Variants in MRPS5 observed in about 807,000 individuals in gnomAD.
MRPS5 encodes small ribosomal subunit protein uS5m.
Under a neutral mutation model 51.9 loss-of-function variants are expected in MRPS5, and 27 were observed. The observed-to-expected ratio is 0.52, with a 90% CI of 0.38 to 0.72. The LOEUF (loss-of-function observed/expected upper bound fraction) is 0.72, where lower values mean the gene tolerates loss of function less well. Ranked by LOEUF, MRPS5 falls within the 30% of genes least tolerant of loss-of-function variation. MRPS5 has a pLI of 0.00. For synonymous variants in MRPS5, 196 were observed against 193.2 expected, an observed-to-expected ratio of 1.01 and a Z score of -0.12; for missense variants, 570 against 545.7, an observed-to-expected ratio of 1.04 and a Z score of -0.44.
Position 95,100,473 on chromosome 2 carries a change from C to A in MRPS5, c.931+1G>T. The A allele has an allele frequency of 1.3e-6, 2 of 1,594,524 alleles. No individual in the cohort carries two copies. Among genetic ancestry groups the A allele is most frequent in the Non-Finnish European group, 8.6e-7 (1 of 1,162,636 alleles). ...ACAAATGGTAAGAGTTTTAAAGTTACCTTTGGGTTGTTTCTTCATCTTGAT... is the reference window on the plus strand; with the variant it reads ...ACAAATGGTAAGAGTTTTAAAGTTAACTTTGGGTTGTTTCTTCATCTTGAT... On this transcript the variant is annotated splice_donor_variant, in intron 10 of 11. Coordinates refer to ENST00000272418, the MANE Select transcript of MRPS5 (RefSeq NM_031902.5). LOFTEE classifies it high-confidence loss of function.
Position 95,095,863 on chromosome 2 carries a change from C to A in MRPS5, c.931+4611G>T, listed in dbSNP as rs531396427. Among the ~76,000 whole-genome samples, 6 of 152,024 alleles carry A rather than the reference C, an allele frequency of 3.9e-5. 1 individual carries two copies. The highest frequency in any genetic ancestry group is 7.4e-5 in the Non-Finnish European group (5 of 67,952). ...CAAGAAATAACTAAGATCAGAGCAG[C>A]ACTGAAGGAAACAGACACACAAAAA... On this transcript the variant is annotated intron_variant, in intron 10 of 11. Coordinates refer to ENST00000272418, the MANE Select transcript of MRPS5 (RefSeq NM_031902.5).
chr2:95,108,453 T>C (rs1676016816), intron 4 of MRPS5, 45 bp from the exon 5 acceptor site: 1 of 1,491,508 alleles, frequency 6.7e-7, no homozygotes, highest in Non-Finnish European at 9.2e-7. Context: ...AAAGTACTCA[T>C]TTTTCAAGTG....
intron 1 of MRPS5, among the ~76,000 whole-genome samples, chr2:95,119,611 C>T (rs576712506): frequency 7.3e-6 from 1 of 136,640 alleles, no homozygotes; most frequent in African/African-American, 2.8e-5. Context: ...GACCCTGTCT[C>T]GAAAAAAAAA....
intron 10 of MRPS5, among the ~76,000 whole-genome samples, chr2:95,094,538 A>T (rs1031680966): frequency 1.3e-5 from 2 of 152,242 alleles, no homozygotes; most frequent in Non-Finnish European, 2.9e-5. Context: ...CGGATCTCTC[A>T]GCAGAAATTC....
rs1468043427 is a variant in MRPS5, at chr2:95,087,121, C to G, written c.*236G>C. 9 of 430,932 alleles carry G rather than the reference C, an allele frequency of 2.1e-5. No homozygotes were observed. The highest frequency in any genetic ancestry group is 2.0e-5 in the Non-Finnish European group (5 of 245,482). 26.7% of individuals were successfully genotyped at this position (430,932 alleles called of 1,614,324 possible). A position where few individuals can be genotyped will look rare whatever the true frequency, so the allele number is the denominator to read the frequency against. ...CTCCCTAATTCATTTACTTTTGTTA[C>G]TTTGGATGAATATTTAAAGTAGTCT... On this transcript the variant is annotated 3_prime_UTR_variant, in exon 12 of 12. Transcript: ENST00000272418.
chr2:95,109,606 G>A (rs1676055727), intron 4 of MRPS5, among the ~76,000 whole-genome samples: 1 of 152,174 alleles, frequency 6.6e-6, no homozygotes, highest in African/African-American at 2.4e-5. Flanking sequence ...CCCTTTGCAG[G>A]GAATATTCGC....
intron 10 of MRPS5, among the ~76,000 whole-genome samples, chr2:95,094,697 A>G (rs1381666090): frequency 6.6e-6 from 1 of 152,204 alleles, no homozygotes; most frequent in Non-Finnish European, 1.5e-5. Context: ...TTCTGTCACT[A>G]CCAGGCCTGC....
At chr2:95,093,691 A>C (rs1675535492) in intron 10 of MRPS5, 3 of 152,244 alleles carry the variant, frequency 2.0e-5, no homozygotes, top group Non-Finnish European at 4.4e-5. Flanking sequence ...CATCAACATC[A>C]ACAAAATGGA....
At chr2:95,104,476 A>G (rs1466942143) in intron 7 of MRPS5, 164 bp downstream of exon 7, 4 of 704,670 alleles carry the variant, frequency 5.7e-6, no homozygotes, top group Non-Finnish European at 7.8e-6. Flanking sequence ...TCTCTAAGGG[A>G]AGTCATGGAC....
In MRPS5 at chr2:95,095,172, C is replaced by T. The variant is rs532026319; in HGVS notation, c.932-4650G>A. ...GGTAAAGGCATCAATTCAACAAGAGCTAATTATCCTAAATATATATGCATC... is the reference window on the plus strand; with the variant it reads ...GGTAAAGGCATCAATTCAACAAGAGTTAATTATCCTAAATATATATGCATC... On this transcript the variant is annotated intron_variant, in intron 10 of 11. Coordinates refer to ENST00000272418, the MANE Select transcript of MRPS5 (RefSeq NM_031902.5). 7.2e-5 allele frequency among the ~76,000 whole-genome samples: 11 copies of T among 152,252 alleles called. No homozygotes were observed. In the South Asian group the frequency reaches 8.3e-4, roughly 11 times the overall value.
Position 95,108,165 on chromosome 2 carries a change from A to C in MRPS5, c.637+10T>G. On this transcript the variant is annotated intron_variant, in intron 5 of 11. Transcript: ENST00000272418. ...TGTCACAAAGGCAAACAAAACCAGG[A>C]GTTTGCTACCTCCACAGGGACCAGG... 6.2e-7 allele frequency: 1 copy of C among 1,610,826 alleles called. No homozygotes were observed. The highest frequency in any genetic ancestry group is 8.5e-7 in the Non-Finnish European group (1 of 1,176,982).
At chr2:95,100,626 A>C in intron 9 of MRPS5, 90 bp from the exon 10 acceptor site, 1 of 1,029,388 alleles carries the variant, frequency 9.7e-7, no homozygotes, top group Non-Finnish European at 1.5e-6. Context: ...TACTAGCCTC[A>C]ACAGCCAGCA....
intron 4 of MRPS5, among the ~76,000 whole-genome samples, chr2:95,109,464 AAATTGTACTGGAACAT>A (rs1676051152): frequency 1.3e-5 from 2 of 152,374 alleles, no homozygotes; most frequent in Middle Eastern, 3.4e-3. Flanking sequence ...TTTGTAAATG[AAATTGTACTGGAACAT>A]AACGATGCCT....
rs1466818531 is a variant in MRPS5 at position 95,118,000 on chromosome 2, T to C, written c.59-55A>G. 4.5e-6 allele frequency: 6 copies of C among 1,338,454 alleles called. No individual in the cohort carries two copies. The African/African-American group carries it at 7.4e-5, about 16-fold the overall frequency. The allele number at this position is 1,338,454 out of a possible 1,614,324, so 82.9% of individuals were successfully genotyped here. On this transcript the variant is annotated intron_variant, in intron 1 of 11. Coordinates refer to ENST00000272418, the MANE Select transcript of MRPS5 (RefSeq NM_031902.5). ...TACATTTCTACATTAAAGGAACATT[T>C]TAAACAGTAACACCCACAAAATATA...
chr2:95,106,364 G>GCC, intron 6 of MRPS5, 59 bp downstream of exon 6: 1 of 741,216 alleles, frequency 1.3e-6, no homozygotes. Flanking sequence ...CCCTGTCCCT[G>GCC]CCCCACCCAC....
chr2:95,114,026 A>C (rs1454193248), intron 3 of MRPS5, among the ~76,000 whole-genome samples: 2 of 142,286 alleles, frequency 1.4e-5, no homozygotes, highest in Admixed American at 7.3e-5. Flanking sequence ...AGGCTGAGGC[A>C]GGAGAATCGC....
At position 95,086,281 on chromosome 2, in the gene MRPS5, T is replaced by C. The variant is rs1675285185; in HGVS notation, c.*1076A>G. On this transcript the variant is annotated 3_prime_UTR_variant, in exon 12 of 12. Coordinates refer to ENST00000272418, the MANE Select transcript of MRPS5 (RefSeq NM_031902.5). ...CTTCAGTGAGCAATTATAAACACTC[T>C]TGAAGCCATTTAAAGAAAAAAAAAG... Among the ~76,000 whole-genome samples, 1 of 151,990 alleles carries C rather than the reference T, an allele frequency of 6.6e-6. No homozygotes were observed. The highest frequency in any genetic ancestry group is 1.5e-5 in the Non-Finnish European group (1 of 68,014).
intron 10 of MRPS5, among the ~76,000 whole-genome samples, chr2:95,099,608 T>C (rs1045681526): frequency 3.9e-5 from 6 of 152,220 alleles, no homozygotes; most frequent in Admixed American, 3.9e-4. Context: ...GGCTGCTGTA[T>C]GGGACAGCAC....
At chr2:95,102,860 C>T (rs886306893) in intron 7 of MRPS5, among the ~76,000 whole-genome samples, 6 of 152,170 alleles carry the variant, frequency 3.9e-5, no homozygotes, top group African/African-American at 1.4e-4. Context: ...TATCTGCTGC[C>T]ACTGTATTTT....
Sources: allele counts gnomAD v4.1 joint callset (sites outside exome capture counted in the v4.1 genomes callset), GRCh38; gene constraint gnomAD v4.1.1; transcripts MANE v1.5; gene names NCBI Gene and HGNC (gene_info 2026-07-23, HGNC 2026-07-21).